TBX1: variants seen among roughly 807,000 people sequenced by gnomAD.
TBX1 encodes T-box transcription factor TBX1.
Under a neutral mutation model 40.8 loss-of-function variants are expected in TBX1, and 16 were observed. The observed-to-expected ratio is 0.39, with a 90% confidence interval of 0.27 to 0.60. The LOEUF (loss-of-function observed/expected upper bound fraction) is 0.60. TBX1 is among the 20% of genes least tolerant of loss of function. The probability of loss-of-function intolerance (pLI) is 0.51; values close to 1 mark genes in which losing one functional copy is unlikely to be tolerated. For missense variants in TBX1, 755 were observed against 728.5 expected, an observed-to-expected ratio of 1.04 and a Z score of -0.42; for synonymous variants, 403 against 336.8, an observed-to-expected ratio of 1.20 and a Z score of -2.15.
chr22:19,777,828 T>C (rs1937091209), intron 8 of TBX1, among the ~76,000 whole-genome samples: 1 of 150,976 alleles, frequency 6.6e-6, no homozygotes, highest in Admixed American at 6.6e-5. Flanking sequence ...GGTATGATCA[T>C]GGCTCACGGC....
At chr22:19,759,881 T>C (rs1936585200), upstream of TBX1, among the ~76,000 whole-genome samples, 1 of 152,126 alleles carries the variant, frequency 6.6e-6, no homozygotes, top group Non-Finnish European at 1.5e-5. Flanking sequence ...AGCTTGGAGA[T>C]GGGCACTCAG....
At chr22:19,772,641 C>T (rs1197707926) in intron 8 of TBX1, among the ~76,000 whole-genome samples, 2 of 152,088 alleles carry the variant, frequency 1.3e-5, no homozygotes, top group Non-Finnish European at 2.9e-5. Flanking sequence ...TTTTTTTTCC[C>T]CTCCGTTTCT....
At chr22:19,773,567 A>G (rs948196497) in intron 8 of TBX1, among the ~76,000 whole-genome samples, 7 of 151,960 alleles carry the variant, frequency 4.6e-5, no homozygotes, top group African/African-American at 1.7e-4. Flanking sequence ...CCAGGCAGGC[A>G]CCCCCTTCAG....
At chr22:19,767,484 C>A, downstream of TBX1, 1 of 714,530 alleles carries the variant, frequency 1.4e-6, no homozygotes, top group Non-Finnish European at 1.7e-6. Context: ...GCGCCCTGTC[C>A]GCCACGCCTC....
At chr22:19,758,862 C>T (rs886162851), upstream of TBX1, among the ~76,000 whole-genome samples, 3 of 152,238 alleles carry the variant, frequency 2.0e-5, no homozygotes, top group Admixed American at 1.3e-4. Flanking sequence ...GAGCCAACTT[C>T]AGGGGGCTGT....
rs2145838410 is a variant in TBX1 at position 19,766,512 on chromosome 22, G to A, written c.1160G>A (p.Gly387Asp). 2 of 1,309,154 alleles carry A rather than the reference G, an allele frequency of 1.5e-6. No homozygotes were observed. Among genetic ancestry groups the A allele is most frequent in the African/African-American group, 3.1e-5 (2 of 64,276 alleles). 81.1% of individuals were successfully genotyped at this position (1,309,154 alleles called of 1,614,324 possible). ...AGCCCCTCGCTGCCCGGGGCCGGCGGCGCCGGCGGCTTAGTCCCGCTGCCC... is the reference window on the plus strand; with the variant it reads ...AGCCCCTCGCTGCCCGGGGCCGGCGACGCCGGCGGCTTAGTCCCGCTGCCC... ...VLSPSLPGAG[G>D]AGGLVPLPGA... The change falls in exon 7 of 7, where the codon GGC becomes GAC. Residue 387 changes from glycine (G) to aspartate (D), a missense_variant. Around this residue, in one of 3 missense-constraint regions of TBX1, gnomAD observed 412 missense variants for 317.6 expected, o/e 1.30. Transcript: ENST00000649276.
At chr22:19,762,196 C>G (rs1457729575) in intron 1 of TBX1, among the ~76,000 whole-genome samples, 3 of 152,258 alleles carry the variant, frequency 2.0e-5, no homozygotes, top group East Asian at 3.8e-4. Flanking sequence ...CAGCGGCAGC[C>G]CAGCCGCTGG....
rs72646970 is a variant in TBX1 at position 19,767,202 on chromosome 22, G to T, written c.*335G>T. ...TTCTCCCCGAGACCGCGTCGCCCGCGGCCCGGCCGGCAGTTGCAGTGTAGA... is the reference window on the plus strand; with the variant it reads ...TTCTCCCCGAGACCGCGTCGCCCGCTGCCCGGCCGGCAGTTGCAGTGTAGA... On this transcript the variant is annotated 3_prime_UTR_variant, in exon 7 of 7. Transcript: ENST00000649276. The T allele has an allele frequency of 1.0e-3, 1,101 of 1,098,062 alleles. 1 individual carries two copies. The highest frequency in any genetic ancestry group is 1.1e-3 in the Non-Finnish European group (1,029 of 903,354). 68.0% of individuals were successfully genotyped at this position (1,098,062 alleles called of 1,614,324 possible). A position where few individuals can be genotyped will look rare whatever the true frequency, so the allele number is the denominator to read the frequency against.
downstream of TBX1, among the ~76,000 whole-genome samples, chr22:19,767,917 C>G (rs1490376924): frequency 1.3e-5 from 2 of 152,226 alleles, no homozygotes; most frequent in Admixed American, 6.5e-5. Flanking sequence ...ACTTTATTTG[C>G]TGTGAGTGTC....
At chr22:19,782,948 T>C, downstream of TBX1, 1 of 1,581,548 alleles carries the variant, frequency 6.3e-7, no homozygotes, top group Non-Finnish European at 8.7e-7. Flanking sequence ...CCAACCTGGC[T>C]TGCTGGACGT....
rs1936656483 is a variant in TBX1 at position 19,761,378 on chromosome 22, T to C, written c.437+98T>C. The C allele has an allele frequency of 3.1e-6, 4 of 1,298,768 alleles. No individual in the cohort carries two copies. The African/African-American group carries it at 4.7e-5, about 15-fold the overall frequency. 80.5% of individuals were successfully genotyped at this position (1,298,768 alleles called of 1,614,324 possible). ...CGCGCGAGCGGGGCCGAAAGCCGGG[T>C]CGGGGGCGCGGCCTGGCCACCTGCG... On this transcript the variant is annotated intron_variant, in intron 1 of 6. Coordinates refer to ENST00000649276, the MANE Select transcript of TBX1 (RefSeq NM_001379200.1).
intron 8 of TBX1, among the ~76,000 whole-genome samples, chr22:19,772,859 G>A (rs1027142107): frequency 3.3e-5 from 5 of 152,184 alleles, no homozygotes; most frequent in Non-Finnish European, 5.9e-5. Flanking sequence ...CCTTCACCGC[G>A]GGGCTGGGTC....
chr22:19,767,651 T>C (rs1437272745), downstream of TBX1, among the ~76,000 whole-genome samples: 3 of 152,196 alleles, frequency 2.0e-5, no homozygotes, highest in Non-Finnish European at 4.4e-5. Context: ...CCTGCCTTTT[T>C]ACTTAAATTC....
chr22:19,775,526 G>A (rs1326762877), intron 8 of TBX1, among the ~76,000 whole-genome samples: 1 of 152,222 alleles, frequency 6.6e-6, no homozygotes, highest in Non-Finnish European at 1.5e-5. Context: ...TTTTTTAACA[G>A]GAGCAGTCTT....
At chr22:19,759,437 G>C (rs1291599598), upstream of TBX1, 2 of 1,369,316 alleles carry the variant, frequency 1.5e-6, no homozygotes, top group African/African-American at 1.6e-5. Context: ...TGGGCTGGGC[G>C]CGGTGCGGCT....
At position 19,767,280 on chromosome 22, in the gene TBX1, T is replaced by TA. The variant is rs1936897482; in HGVS notation, c.*414dup. On this transcript the variant is annotated 3_prime_UTR_variant, in exon 7 of 7. Transcript: ENST00000649276. ...TGTAGATACATGTAGATACTGTAGA[T>TA]ACTGTAGATACCGCCCCGGCGCCGA... The TA allele has an allele frequency of 3.0e-6, 3 of 997,334 alleles. No individual in the cohort carries two copies. Among genetic ancestry groups the TA allele is most frequent in the Non-Finnish European group, 3.6e-6 (3 of 838,184 alleles). 61.8% of individuals were successfully genotyped at this position (997,334 alleles called of 1,614,324 possible). A position where few individuals can be genotyped will look rare whatever the true frequency, so the allele number is the denominator to read the frequency against.
downstream of TBX1, chr22:19,782,888 C>G (rs745932496): frequency 6.2e-7 from 1 of 1,614,024 alleles, no homozygotes; most frequent in Non-Finnish European, 8.5e-7. Flanking sequence ...GTGTAGGGAT[C>G]TGTTTCCCCT....
intron 8 of TBX1, among the ~76,000 whole-genome samples, chr22:19,778,987 T>C (rs1296023288): frequency 3.9e-5 from 6 of 152,128 alleles, no homozygotes; most frequent in Non-Finnish European, 8.8e-5. Flanking sequence ...TTCCTTGGGG[T>C]CACTGACTGT....
rs1936877987 is a variant in TBX1 at position 19,766,868 on chromosome 22, C to T, written c.*1C>T. On this transcript the variant is annotated 3_prime_UTR_variant, in exon 7 of 7. Transcript: ENST00000649276. ...CTCCTACGACTATTGCCCCAGATAACACGGGCCCTGTCGCGCTCCCGCCCC... is the reference window on the plus strand; with the variant it reads ...CTCCTACGACTATTGCCCCAGATAATACGGGCCCTGTCGCGCTCCCGCCCC... 13 of 1,584,342 alleles carry T rather than the reference C, an allele frequency of 8.2e-6. No individual in the cohort carries two copies. Among genetic ancestry groups the T allele is most frequent in the Non-Finnish European group, 1.0e-5 (12 of 1,173,294 alleles).
Sources: allele counts gnomAD v4.1 joint callset (sites outside exome capture counted in the v4.1 genomes callset), GRCh38; gene constraint gnomAD v4.1.1; regional missense constraint gnomAD v4.1.1; transcripts MANE v1.5; gene names NCBI Gene and HGNC (gene_info 2026-07-23, HGNC 2026-07-21).